ZDHHC5: variants seen among roughly 807,000 people sequenced by gnomAD.
ZDHHC5 encodes the protein zDHHC palmitoyltransferase 5, also known as palmitoyltransferase ZDHHC5.
A neutral mutation model predicts 70.0 loss-of-function variants in ZDHHC5; 22 were observed. That is an observed-to-expected ratio of 0.31 (90% CI 0.22 to 0.45). ZDHHC5 has a LOEUF of 0.45. Ranked by LOEUF, ZDHHC5 falls within the 20% of genes least tolerant of loss-of-function variation. The pLI is 1.00. For missense variants in ZDHHC5, 746 were observed against 926.9 expected (o/e 0.80, Z 2.53); for synonymous variants, 313 against 347.8 (o/e 0.90, Z 1.11).
rs373253546 is a variant in ZDHHC5, at chr11:57,688,493, T to G, written c.227-15T>G. The G allele has an allele frequency of 5.2e-6, 8 of 1,530,238 alleles. No individual in the cohort carries two copies. The highest frequency in any genetic ancestry group is 7.1e-6 in the Non-Finnish European group (8 of 1,134,714). The allele number at this position is 1,530,238 out of a possible 1,614,324, so 94.8% of individuals were successfully genotyped here. ...TCTGGCATAGTTGTTTTTAATTGAC[T>G]TTTCCTCTCTACAGCTGAGGAGGAT... On this transcript the variant is annotated splice_polypyrimidine_tract_variant and intron_variant, in intron 3 of 11. Transcript: ENST00000287169.
intron 10 of ZDHHC5, among the ~76,000 whole-genome samples, chr11:57,697,908 C>T (rs1170830516): frequency 3.3e-5 from 5 of 150,282 alleles, no homozygotes; most frequent in Admixed American, 6.6e-5. Context: ...CTGAGGCAGA[C>T]GGACCACCCG....
intron 2 of ZDHHC5, among the ~76,000 whole-genome samples, chr11:57,676,285 C>G (rs1946069914): frequency 6.6e-6 from 1 of 152,306 alleles, no homozygotes; most frequent in African/African-American, 2.4e-5. Flanking sequence ...CCTCTCATTC[C>G]CTGAATTTGT....
In ZDHHC5 at chr11:57,699,298, C is replaced by T. The variant is rs1009494095; in HGVS notation, c.1862C>T (p.Ser621Phe). The T allele has an allele frequency of 6.2e-7, 1 of 1,614,208 alleles. No homozygotes were observed. Among genetic ancestry groups the T allele is most frequent in the Non-Finnish European group, 8.5e-7 (1 of 1,180,018 alleles). ...GGGCTAAGGGGCCGGGGAGTAGGGT[C>T]CCCTGAACCAGGCCCAACAGCCCCA... ...PDGLRGRGVGSPEPGPTAPYL... is the reference protein window; with the variant it reads ...PDGLRGRGVGFPEPGPTAPYL... The change falls in exon 11 of 12, where the codon TCC becomes TTC. Residue 621 changes from serine (S) to phenylalanine (F), a missense_variant. By Grantham distance (155) the Ser-to-Phe change is radical. Around this residue, in one of 6 missense-constraint regions of ZDHHC5, gnomAD observed 340 missense variants for 350.1 expected, o/e 0.97. Coordinates refer to ENST00000287169, the MANE Select transcript of ZDHHC5 (RefSeq NM_015457.3).
At position 57,698,547 on chromosome 11, in the gene ZDHHC5, T is replaced by A. The variant is rs966149978; in HGVS notation, c.1123-12T>A. 1.3e-6 allele frequency: 2 copies of A among 1,580,020 alleles called. No homozygotes were observed. Among genetic ancestry groups the A allele is most frequent in the South Asian group, 1.2e-5 (1 of 84,710 alleles). On this transcript the variant is annotated splice_polypyrimidine_tract_variant and intron_variant, in intron 10 of 11. Transcript: ENST00000287169. The stretch of plus-strand genomic sequence containing the variant: ...AAGGAGCACTAAGAGCCTGCTTTAC[T>A]TTCTTCCTCAGTTGAGTCGTGGGGA...
Position 57,699,315 on chromosome 11 carries a change from A to G in ZDHHC5, c.1879A>G (p.Thr627Ala), listed in dbSNP as rs1206392078. Residue 627 changes from threonine (T) to alanine (A), a missense_variant, in exon 11 of 12, where the codon ACA (threonine) becomes GCA (alanine). By Grantham distance (58) the Thr-to-Ala change is moderately conservative (BLOSUM62 0). This residue lies in a region of ZDHHC5 where 340 missense variants were observed against 350.1 expected (regional missense o/e 0.97). Coordinates refer to ENST00000287169, the MANE Select transcript of ZDHHC5 (RefSeq NM_015457.3). ...RGVGSPEPGP[T>A]APYLGRSMSY... ...AGTAGGGTCCCCTGAACCAGGCCCA[A>G]CAGCCCCATACCTGGGCCGATCGAT... is the stretch of plus-strand genomic sequence containing the variant. 1.9e-6 allele frequency: 3 copies of G among 1,614,148 alleles called. No homozygotes were observed. The highest frequency in any genetic ancestry group is 2.5e-6 in the Non-Finnish European group (3 of 1,179,998).
chr11:57,687,632 TGGGATGGTGG>T (rs1169415350), intron 3 of ZDHHC5, among the ~76,000 whole-genome samples: 1 of 151,944 alleles, frequency 6.6e-6, no homozygotes, highest in Admixed American at 6.6e-5. Context: ...AGTTTTGAAA[TGGGATGGTGG>T]GTTTCTGATA....
intron 1 of ZDHHC5, among the ~76,000 whole-genome samples, chr11:57,671,634 A>G (rs1470641426): frequency 6.6e-6 from 1 of 152,230 alleles, no homozygotes; most frequent in Non-Finnish European, 1.5e-5. Flanking sequence ...TTTTCACTAT[A>G]ACAATAAACA....
chr11:57,672,972 T>C lies in ZDHHC5; in HGVS notation c.-119T>C, dbSNP rs1425560945. The C allele has an allele frequency of 1.1e-6, 1 of 869,798 alleles. No homozygotes were observed. The highest frequency in any genetic ancestry group is 2.5e-5 in the Admixed American group (1 of 40,554). 53.9% of individuals were successfully genotyped at this position (869,798 alleles called of 1,614,324 possible). On this transcript the variant is annotated 5_prime_UTR_variant, in exon 2 of 12. Coordinates refer to ENST00000287169, the MANE Select transcript of ZDHHC5 (RefSeq NM_015457.3). ...GGGGAAGGGTGATAAAGTTTTCTGT[T>C]TCCCTGGTTTTCTTTTGTACTCCTC...
intron 8 of ZDHHC5, among the ~76,000 whole-genome samples, chr11:57,695,229 T>C (rs1409000555): frequency 6.6e-6 from 1 of 151,952 alleles, no homozygotes; most frequent in Non-Finnish European, 1.5e-5. Context: ...GCCATTGCAC[T>C]CCGCCTGGGC....
rs778949371 is a variant in ZDHHC5 at position 57,690,188 on chromosome 11, T to C, written c.542T>C (p.Val181Ala). 1 of 1,613,978 alleles carries C rather than the reference T, an allele frequency of 6.2e-7. No individual in the cohort carries two copies. Among genetic ancestry groups the C allele is most frequent in the South Asian group, 1.1e-5 (1 of 91,068 alleles). The change falls in exon 5 of 12, where the codon GTC (valine) becomes GCC (alanine). Residue 181 changes from valine to alanine, a missense_variant. Around this residue, in one of 6 missense-constraint regions of ZDHHC5, gnomAD observed 114 missense variants for 179.3 expected, o/e 0.64. Coordinates refer to ENST00000287169, the MANE Select transcript of ZDHHC5 (RefSeq NM_015457.3). ...TACCACATAGAGGAACTCTCAGGGG[T>C]CCGCACGGCTGTCACGTATCCTTCA... is the stretch of plus-strand genomic sequence containing the variant. ...VLYHIEELSG[V>A]RTAVTMAVMC... is the part of the protein sequence containing the mutation.
At chr11:57,688,147 T>C (rs1946234817) in intron 3 of ZDHHC5, among the ~76,000 whole-genome samples, 1 of 152,214 alleles carries the variant, frequency 6.6e-6, no homozygotes, top group Non-Finnish European at 1.5e-5. Context: ...CTCATATAAA[T>C]GTAGATACTG....
intron 2 of ZDHHC5, among the ~76,000 whole-genome samples, chr11:57,676,944 T>C (rs11229093): frequency 8.8e-6 from 1 of 113,046 alleles, no homozygotes; most frequent in Non-Finnish European, 1.7e-5. Context: ...TTTTTTGAGA[T>C]GGAGTCTTAC....
At chr11:57,693,954 G>A in intron 8 of ZDHHC5, 39 bp downstream of exon 8, 1 of 1,571,102 alleles carries the variant, frequency 6.4e-7, no homozygotes, top group African/African-American at 1.4e-5. Flanking sequence ...TAACATGGAA[G>A]TCTCACCCAA....
rs1241281829 is a variant in ZDHHC5, at chr11:57,698,661, TCTC to T, written c.1228_1230del (p.Pro410del). On this transcript the variant is annotated inframe_deletion, in exon 11 of 12. Coordinates refer to ENST00000287169, the MANE Select transcript of ZDHHC5 (RefSeq NM_015457.3). ...CAGCTTGGAACCAGAGAGCTTCCGT[TCTC>T]CTACCTTTGGCAAAAGTTTTCACTT... is the stretch of plus-strand genomic sequence containing the variant. 2 of 1,614,094 alleles carry T rather than the reference TCTC, an allele frequency of 1.2e-6. No individual in the cohort carries two copies. The highest frequency in any genetic ancestry group is 4.5e-5 in the East Asian group (2 of 44,866).
chr11:57,682,537 C>T lies in ZDHHC5; in HGVS notation c.220C>T (p.Pro74Ser). 1 of 1,613,940 alleles carries T rather than the reference C, an allele frequency of 6.2e-7. No individual in the cohort carries two copies. Among genetic ancestry groups the T allele is most frequent in the South Asian group, 1.1e-5 (1 of 91,044 alleles). Residue 74 changes from proline (P) to serine (S), a missense_variant, in exon 3 of 12, where the codon CCT becomes TCT. Coordinates refer to ENST00000287169, the MANE Select transcript of ZDHHC5 (RefSeq NM_015457.3). ...CACCTTCATGGACCCAGGGATTTTCCCTCGAGGTAAGATCTGCTTCTCTCT... is the reference window on the plus strand; with the variant it reads ...CACCTTCATGGACCCAGGGATTTTCTCTCGAGGTAAGATCTGCTTCTCTCT... ...MATFMDPGIF[P>S]RAEEDEDKED...
At chr11:57,680,142 T>C (rs1454771676) in intron 2 of ZDHHC5, among the ~76,000 whole-genome samples, 1 of 152,170 alleles carries the variant, frequency 6.6e-6, no homozygotes, top group Non-Finnish European at 1.5e-5. Context: ...CCCAGCACTT[T>C]GGGAGGCTGA....
In ZDHHC5 at chr11:57,682,430, G is replaced by A; in HGVS notation, c.113G>A (p.Gly38Glu). ...TTLFFAFTCP[G>E]LSLYVSPAVP... ...CTTTATTGTCTGTGCAGGTGTCCAG[G>A]ACTAAGCCTGTATGTGTCACCTGCA... Residue 38 changes from glycine to glutamate, a missense_variant, in exon 3 of 12, where the codon GGA (glycine) becomes GAA (glutamate). Around this residue, in one of 6 missense-constraint regions of ZDHHC5, gnomAD observed 89 missense variants for 130.7 expected, o/e 0.68. Coordinates refer to ENST00000287169, the MANE Select transcript of ZDHHC5 (RefSeq NM_015457.3). 2 of 1,613,826 alleles carry A rather than the reference G, an allele frequency of 1.2e-6. No individual in the cohort carries two copies. Among genetic ancestry groups the A allele is most frequent in the Non-Finnish European group, 1.7e-6 (2 of 1,179,886 alleles).
At chr11:57,682,673 A>T in intron 3 of ZDHHC5, 130 bp downstream of exon 3, 1 of 1,189,468 alleles carries the variant, frequency 8.4e-7, no homozygotes, top group Non-Finnish European at 1.1e-6. Flanking sequence ...ATTTGGGCAT[A>T]CGCAGTTGAT....
Position 57,700,988 on chromosome 11 carries a change from G to A in ZDHHC5, c.*957G>A, listed in dbSNP as rs1490267055. ...AAAACGGGGGATAGAGAGAAGGAGT[G>A]GCAGGCCTAGGCCCCTCCGATTGTC... On this transcript the variant is annotated 3_prime_UTR_variant, in exon 12 of 12. Coordinates refer to ENST00000287169, the MANE Select transcript of ZDHHC5 (RefSeq NM_015457.3). The A allele has an allele frequency of 6.6e-6, 1 of 152,664 alleles. No individual in the cohort carries two copies. The highest frequency in any genetic ancestry group is 1.5e-5 in the Non-Finnish European group (1 of 68,088). The allele number at this position is 152,664 out of a possible 1,614,324, so 9.5% of individuals were successfully genotyped here. A position where few individuals can be genotyped will look rare whatever the true frequency, so the allele number is the denominator to read the frequency against.
Sources: gnomAD v4.1 joint callset for allele counts (sites outside exome capture counted in the v4.1 genomes callset) on GRCh38, gnomAD v4.1.1 for gene constraint, gnomAD v4.1.1 regional missense constraint, MANE v1.5 for transcripts, NCBI Gene and HGNC (gene_info 2026-07-23, HGNC 2026-07-21) for gene names.